Variants in CCDC122 observed in about 807,000 individuals in gnomAD.
The protein encoded by CCDC122 is coiled-coil domain-containing protein 122.
A neutral mutation model predicts 37.0 loss-of-function variants in CCDC122; 38 were observed. The ratio of observed to expected loss-of-function variants is 1.03; its 90% CI spans 0.79 to 1.35. The LOEUF (loss-of-function observed/expected upper bound fraction) is 1.35. Among genes scored for constraint, CCDC122 ranks in the 40% most tolerant of loss-of-function variants. The pLI is 0.00. For missense variants in CCDC122, 305 were observed against 310.0 expected (o/e 0.98, Z 0.12); for synonymous variants, 83 against 95.6 (o/e 0.87, Z 0.77).
chr13:43,847,275 G>A (rs1028412517), intron 6 of CCDC122, among the ~76,000 whole-genome samples: 3 of 152,170 alleles, frequency 2.0e-5, no homozygotes, highest in Admixed American at 1.3e-4. Flanking sequence ...ACAGGGGTTT[G>A]TGTTTGTGTG....
chr13:43,862,910 G>A (rs1954157161), intron 4 of CCDC122, among the ~76,000 whole-genome samples: 1 of 151,736 alleles, frequency 6.6e-6, no homozygotes, highest in African/African-American at 2.4e-5. Flanking sequence ...CCTTACATGA[G>A]AATTACGTTA....
intron 6 of CCDC122, chr13:43,848,932 G>A: frequency 1.0e-6 from 1 of 973,852 alleles, no homozygotes; most frequent in Non-Finnish European, 1.2e-6. Context: ...TTTTGGTATT[G>A]GAATTCACCT....
At chr13:43,829,459 C>T (rs1353702786) in intron 3 of CCDC122, among the ~76,000 whole-genome samples, 1 of 152,128 alleles carries the variant, frequency 6.6e-6, no homozygotes, top group African/African-American at 2.4e-5. Context: ...GCGTGTGCCA[C>T]TACACCTGGC....
chr13:43,857,449 A>AGTGT lies in CCDC122; in HGVS notation c.672+1328_672+1331dup, dbSNP rs60383575. Among the ~76,000 whole-genome samples, 583 of 149,708 alleles carry AGTGT rather than the reference A, an allele frequency of 3.9e-3. 4 individuals carry two copies. Among genetic ancestry groups the AGTGT allele is most frequent in the African/African-American group, 0.013 (536 of 40,640 alleles). ...TCCTATGTTGTATTCAATACTTAGA[A>AGTGT]GTGTGTGTGTGTGTGTGTGTGTGTG... On this transcript the variant is annotated intron_variant, in intron 6 of 6. Transcript: ENST00000444614.
At position 43,843,680 on chromosome 13, in the gene CCDC122, T is replaced by C. The variant is rs908679224; in HGVS notation, c.673-6251A>G. On this transcript the variant is annotated intron_variant, in intron 6 of 6. Transcript: ENST00000444614. ...TATGATTAGAATTCACTAATGAAAATGTGTCAGTTGGAGCCTTATATATGG... is the reference window on the plus strand; with the variant it reads ...TATGATTAGAATTCACTAATGAAAACGTGTCAGTTGGAGCCTTATATATGG... Among the ~76,000 whole-genome samples, 3 of 151,980 alleles carry C rather than the reference T, an allele frequency of 2.0e-5. No individual in the cohort carries two copies. The East Asian group carries it at 5.8e-4, about 29-fold the overall frequency.
At chr13:43,845,888 C>T (rs1953510956) in intron 6 of CCDC122, among the ~76,000 whole-genome samples, 1 of 152,098 alleles carries the variant, frequency 6.6e-6, no homozygotes, top group South Asian at 2.1e-4. Context: ...TCTTTACCCA[C>T]AATATCAATC....
At chr13:43,849,538 T>C (rs1953655801) in intron 6 of CCDC122, among the ~76,000 whole-genome samples, 1 of 152,190 alleles carries the variant, frequency 6.6e-6, no homozygotes, top group Admixed American at 6.5e-5. Flanking sequence ...TTTTTCCTCA[T>C]ATATCCCAGA....
intron 4 of CCDC122, among the ~76,000 whole-genome samples, chr13:43,862,712 C>A (rs1226665077): frequency 6.6e-6 from 1 of 151,984 alleles, no homozygotes. Flanking sequence ...GATGCACAAC[C>A]AATGGTCAGG....
At chr13:43,839,803 G>A (rs1378902893) in intron 6 of CCDC122, among the ~76,000 whole-genome samples, 1 of 152,118 alleles carries the variant, frequency 6.6e-6, no homozygotes, top group Non-Finnish European at 1.5e-5. Context: ...ACTGTTAAAA[G>A]AAAAACTTCA....
chr13:43,859,290 T>C (rs1050216922), intron 5 of CCDC122, among the ~76,000 whole-genome samples: 1 of 152,280 alleles, frequency 6.6e-6, no homozygotes, highest in Non-Finnish European at 1.5e-5. Context: ...TTTATATTGC[T>C]TGCATAACAC....
chr13:43,865,111 T>C (rs1222800804), intron 4 of CCDC122, among the ~76,000 whole-genome samples: 1 of 152,142 alleles, frequency 6.6e-6, no homozygotes, highest in Non-Finnish European at 1.5e-5. Context: ...TCTCTTCCAT[T>C]TGGCTATTCC....
At chr13:43,871,698 T>C (rs973829513) in intron 2 of CCDC122, among the ~76,000 whole-genome samples, 4 of 152,260 alleles carry the variant, frequency 2.6e-5, no homozygotes, top group African/African-American at 9.6e-5. Context: ...ACTTCCCTTT[T>C]ACCTTTTGGC....
intron 3 of CCDC122, among the ~76,000 whole-genome samples, chr13:43,830,319 T>A (rs1953078009): frequency 6.6e-6 from 1 of 152,188 alleles, no homozygotes; most frequent in Admixed American, 6.5e-5. Context: ...AGTGGAATAG[T>A]CATCTCTTGA....
chr13:43,847,584 T>A (rs1419010153), intron 6 of CCDC122, among the ~76,000 whole-genome samples: 1 of 152,214 alleles, frequency 6.6e-6, no homozygotes, highest in East Asian at 1.9e-4. Context: ...GGAATTTAAA[T>A]AGGATAGCCT....
intron 4 of CCDC122, among the ~76,000 whole-genome samples, chr13:43,863,917 C>A (rs1318422693): frequency 1.3e-5 from 2 of 152,056 alleles, no homozygotes; most frequent in African/African-American, 2.4e-5. Context: ...GAAATCATTG[C>A]CAAGCCCAAC....
At chr13:43,821,255 T>C (rs1324759856), downstream of CCDC122, among the ~76,000 whole-genome samples, 2 of 152,206 alleles carry the variant, frequency 1.3e-5, no homozygotes, top group African/African-American at 4.8e-5. Flanking sequence ...CAGAGTTTTG[T>C]TCTTGTAGTG....
intron 3 of CCDC122, among the ~76,000 whole-genome samples, chr13:43,824,990 G>A (rs992027189): frequency 6.6e-6 from 1 of 152,138 alleles, no homozygotes; most frequent in African/African-American, 2.4e-5. Flanking sequence ...GCAATTTGAA[G>A]GTTTCTCAAA....
At chr13:43,842,172 A>T (rs1389804243) in intron 6 of CCDC122, among the ~76,000 whole-genome samples, 1 of 152,158 alleles carries the variant, frequency 6.6e-6, no homozygotes, top group Non-Finnish European at 1.5e-5. Context: ...GAAGCTTTAG[A>T]GTTTTAACTT....
At chr13:43,833,154 A>G (rs1344798379), downstream of CCDC122, among the ~76,000 whole-genome samples, 3 of 152,172 alleles carry the variant, frequency 2.0e-5, no homozygotes, top group African/African-American at 2.4e-5. Context: ...GTAGATATCA[A>G]TTTCTTTACA....
Sources: gnomAD v4.1 joint callset for allele counts (sites outside exome capture counted in the v4.1 genomes callset) on GRCh38, gnomAD v4.1.1 for gene constraint, MANE v1.5 for transcripts, NCBI Gene and HGNC (gene_info 2026-07-23, HGNC 2026-07-21) for gene names.